The following VTI1A variants were observed in gnomAD, a reference collection of about 807,000 sequenced individuals.
VTI1A encodes vesicle transport through interaction with t-SNAREs 1A, also known as vesicle transport through interaction with t-SNAREs homolog 1A.
In VTI1A, 22 loss-of-function variants were observed where a neutral mutation model predicts 34.9. The ratio of observed to expected loss-of-function variants is 0.63; its 90% CI spans 0.45 to 0.90. The LOEUF is 0.90. Among genes scored for constraint, VTI1A ranks in the 40% least tolerant of loss-of-function variants. The pLI, the probability that VTI1A is intolerant of heterozygous loss-of-function variation, is 0.00. For synonymous variants in VTI1A, 87 were observed against 97.3 expected, an observed-to-expected ratio of 0.89 and a Z score of 0.62; for missense variants, 268 against 275.6, an observed-to-expected ratio of 0.97 and a Z score of 0.20.
At chr10:112,825,102 ATAATTT>A in the VTI1A span, 1 of 152,234 alleles carries the variant, frequency 6.6e-6, no homozygotes, top group Non-Finnish European at 1.5e-5. Context: ...CAAATTCTTA[ATAATTT>A]TATCTTTGTC....
chr10:112,456,364 G>A lies in VTI1A; in HGVS notation c.95-4160G>A, dbSNP rs546885383. Reference sequence around the variant, plus strand: ...TTGAACCTGGGAGGTGGAGGTTGCCGTGAGCCAAGATTGCACCACTGCACT... The same window carrying A: ...TTGAACCTGGGAGGTGGAGGTTGCCATGAGCCAAGATTGCACCACTGCACT... On this transcript the variant is annotated intron_variant, in intron 1 of 7. Coordinates refer to ENST00000393077, the MANE Select transcript of VTI1A (RefSeq NM_145206.4). Among the ~76,000 whole-genome samples the A allele has an allele frequency of 1.3e-4, 20 of 149,484 alleles. No homozygotes were observed. The East Asian group carries it at 1.4e-3, about 10-fold the overall frequency.
chr10:112,458,767 A>G (rs1337724616), intron 1 of VTI1A, among the ~76,000 whole-genome samples: 3 of 151,938 alleles, frequency 2.0e-5, no homozygotes, highest in Admixed American at 2.0e-4. Flanking sequence ...CCCGGGTTCA[A>G]GCAATTCTCC....
intron 7 of VTI1A, among the ~76,000 whole-genome samples, chr10:112,813,439 G>A (rs867924671): frequency 1.3e-5 from 2 of 152,206 alleles, no homozygotes; most frequent in Non-Finnish European, 2.9e-5. Flanking sequence ...TTTCACTGCT[G>A]AGTTTCAATT....
At chr10:112,593,602 A>C (rs1386397855) in intron 5 of VTI1A, among the ~76,000 whole-genome samples, 2 of 152,236 alleles carry the variant, frequency 1.3e-5, no homozygotes, top group African/African-American at 4.8e-5. Flanking sequence ...ACAGAAAAAA[A>C]TCAAAAATTA....
chr10:112,690,732 G>A (rs1314681310), intron 7 of VTI1A, among the ~76,000 whole-genome samples: 1 of 152,180 alleles, frequency 6.6e-6, no homozygotes, highest in East Asian at 1.9e-4. Flanking sequence ...TTGTAAAAAT[G>A]AAAAATATAG....
chr10:112,490,529 A>G (rs1036760486), intron 3 of VTI1A, among the ~76,000 whole-genome samples: 3 of 151,782 alleles, frequency 2.0e-5, no homozygotes, highest in Admixed American at 1.3e-4. Flanking sequence ...AACTCACTAT[A>G]TGTGTATTGT....
chr10:112,733,772 T>TA (rs1407866906), intron 7 of VTI1A, among the ~76,000 whole-genome samples: 1 of 150,086 alleles, frequency 6.7e-6, no homozygotes, highest in Non-Finnish European at 1.5e-5. Flanking sequence ...TATTTTATTT[T>TA]AAGAGAGAGT....
chr10:112,650,654 C>T (rs1482441418), intron 5 of VTI1A, among the ~76,000 whole-genome samples: 3 of 152,150 alleles, frequency 2.0e-5, no homozygotes, highest in African/African-American at 7.2e-5. Context: ...CACAAACACA[C>T]GAGTAATGCA....
chr10:112,728,951 C>T (rs151062884), intron 7 of VTI1A, among the ~76,000 whole-genome samples: 223 of 152,212 alleles, frequency 1.5e-3, no homozygotes, highest in African/African-American at 5.2e-3. Flanking sequence ...TCATGCCCTC[C>T]GTAAGTGGCC....
intron 5 of VTI1A, among the ~76,000 whole-genome samples, chr10:112,567,025 C>T (rs183139578): frequency 1.2e-4 from 18 of 152,166 alleles, no homozygotes; most frequent in Middle Eastern, 3.4e-3. Flanking sequence ...AAATTCACTT[C>T]AGATGCTATA....
chr10:112,769,324 G>A (rs189425413), intron 7 of VTI1A, among the ~76,000 whole-genome samples: 1 of 152,330 alleles, frequency 6.6e-6, no homozygotes, highest in African/African-American at 2.4e-5. Context: ...AGCCCTTCCT[G>A]TATGTGGAAG....
chr10:112,697,939 A>G (rs915846884), intron 7 of VTI1A, among the ~76,000 whole-genome samples: 1 of 151,512 alleles, frequency 6.6e-6, no homozygotes, highest in Non-Finnish European at 1.5e-5. Flanking sequence ...AAAAGCATTA[A>G]TAGCACATTC....
intron 6 of VTI1A, 64 bp downstream of exon 6, chr10:112,668,352 G>A: frequency 1.3e-6 from 2 of 1,529,064 alleles, no homozygotes; most frequent in Non-Finnish European, 1.8e-6. Context: ...GAAAGGCATT[G>A]GGACATAAAC....
At chr10:112,649,488 A>C (rs1175361969) in intron 5 of VTI1A, among the ~76,000 whole-genome samples, 3 of 152,144 alleles carry the variant, frequency 2.0e-5, no homozygotes, top group African/African-American at 4.8e-5. Flanking sequence ...GAGGAATCAG[A>C]TATATAAGGC....
At chr10:112,470,967 A>AGCCAATACGGGTCAGGGTGGGGC (rs1199736502) in intron 3 of VTI1A, among the ~76,000 whole-genome samples, 119 of 152,288 alleles carry the variant, frequency 7.8e-4, no homozygotes, top group Non-Finnish European at 1.1e-3. Context: ...ATCTGGGTAA[A>AGCCAATACGGGTCAGGGTGGGGC]GCCAATACGG....
At chr10:112,531,063 T>TCACACA (rs10670312) in intron 4 of VTI1A, among the ~76,000 whole-genome samples, 20,046 of 139,634 alleles carry the variant, frequency 0.14, 1,619 homozygotes, top group Non-Finnish European at 0.18. Context: ...GTGACACACC[T>TCACACA]CACACACACA....
chr10:112,555,814 A>AT (rs1220280816), intron 5 of VTI1A, among the ~76,000 whole-genome samples: 1 of 151,986 alleles, frequency 6.6e-6, no homozygotes, highest in African/African-American at 2.4e-5. Flanking sequence ...CTAGATCAAC[A>AT]TTTTAGTTTT....
chr10:112,498,073 T>TGGTA (rs1255204468), intron 3 of VTI1A, among the ~76,000 whole-genome samples: 5 of 152,328 alleles, frequency 3.3e-5, no homozygotes, highest in African/African-American at 9.6e-5. Context: ...TGATGTTCTT[T>TGGTA]GGTATGACCT....
At chr10:112,624,875 T>C (rs1268392981) in intron 5 of VTI1A, among the ~76,000 whole-genome samples, 1 of 152,050 alleles carries the variant, frequency 6.6e-6, no homozygotes, top group African/African-American at 2.4e-5. Flanking sequence ...GACAGGAGAA[T>C]CACTTGAGGC....
Sources: allele counts gnomAD v4.1 joint callset (sites outside exome capture counted in the v4.1 genomes callset), GRCh38; gene constraint gnomAD v4.1.1; transcripts MANE v1.5; gene names NCBI Gene and HGNC (gene_info 2026-07-23, HGNC 2026-07-21).